MEOX2: variants seen among roughly 807,000 people sequenced by gnomAD.
The protein encoded by MEOX2 is mesenchyme homeobox 2, also known as homeobox protein MOX-2.
In MEOX2, 11 loss-of-function variants were observed where a neutral mutation model predicts 27.0. The observed-to-expected ratio is 0.41, with a 90% CI of 0.26 to 0.68. The LOEUF (loss-of-function observed/expected upper bound fraction) is 0.68, where lower values mean the gene tolerates loss of function less well. Among genes scored for constraint, MEOX2 ranks in the 30% least tolerant of loss-of-function variants. The pLI, the probability that MEOX2 is intolerant of heterozygous loss-of-function variation, is 0.33. For missense variants in MEOX2, 436 were observed against 385.4 expected (o/e 1.13, Z -1.10); for synonymous variants, 189 against 155.4 (o/e 1.22, Z -1.61).
intron 1 of MEOX2, among the ~76,000 whole-genome samples, chr7:15,662,784 T>A (rs1181627997): frequency 2.0e-5 from 3 of 152,072 alleles, no homozygotes; most frequent in Admixed American, 2.0e-4. Context: ...CTGAGATTTA[T>A]AAAAAATGAA....
intron 2 of MEOX2, among the ~76,000 whole-genome samples, chr7:15,619,157 A>T (rs1781174555): frequency 6.6e-6 from 1 of 152,130 alleles, no homozygotes; most frequent in African/African-American, 2.4e-5. Flanking sequence ...GATAGTAGAA[A>T]ATTTTCTTAA....
intron 2 of MEOX2, among the ~76,000 whole-genome samples, chr7:15,622,094 G>A (rs1236155814): frequency 6.6e-6 from 1 of 152,162 alleles, no homozygotes; most frequent in Non-Finnish European, 1.5e-5. Context: ...TCCAGCCTTG[G>A]TGACAGAGCG....
At chr7:15,673,679 G>T (rs10263831) in intron 1 of MEOX2, among the ~76,000 whole-genome samples, 6,582 of 148,800 alleles carry the variant, frequency 0.044, 160 homozygotes, top group African/African-American at 0.064. Context: ...GGTCAATAAA[G>T]GTTGTACCGA....
chr7:15,659,253 T>C (rs1781870786), intron 1 of MEOX2, among the ~76,000 whole-genome samples: 1 of 152,168 alleles, frequency 6.6e-6, no homozygotes, highest in Admixed American at 6.5e-5. Flanking sequence ...AACTAGGCAA[T>C]GTTATTTTAA....
intron 1 of MEOX2, among the ~76,000 whole-genome samples, chr7:15,633,371 GA>G (rs2115365263): frequency 6.6e-6 from 1 of 151,986 alleles, no homozygotes; most frequent in African/African-American, 2.4e-5. Flanking sequence ...GGGAGGGAAA[GA>G]AACTATTTTC....
Position 15,686,514 on chromosome 7 carries a change from G to T in MEOX2, c.-112C>A, listed in dbSNP as rs1335920559. 34 of 939,966 alleles carry T rather than the reference G, an allele frequency of 3.6e-5. No individual in the cohort carries two copies. The highest frequency in any genetic ancestry group is 5.2e-5 in the Non-Finnish European group (33 of 637,642). 58.2% of individuals were successfully genotyped at this position (939,966 alleles called of 1,614,324 possible). On this transcript the variant is annotated 5_prime_UTR_variant, in exon 1 of 3. Transcript: ENST00000262041. ...GTGATTTTTTTTTTAACCTCCCAAA[G>T]CAATAGCGGTGCACTTCTGCAGAGC...
intron 1 of MEOX2, among the ~76,000 whole-genome samples, chr7:15,666,751 CAAAAAAAAAA>C (rs61294753): frequency 2.2e-4 from 14 of 63,060 alleles, no homozygotes; most frequent in African/African-American, 3.6e-4. Flanking sequence ...GACTCTGTCT[CAAAAAAAAAA>C]AAAAAAAAAA....
intron 2 of MEOX2, among the ~76,000 whole-genome samples, chr7:15,620,687 C>G (rs1781208748): frequency 6.6e-6 from 1 of 152,192 alleles, no homozygotes; most frequent in Non-Finnish European, 1.5e-5. Context: ...TTTGAAAATA[C>G]TTGGCATTGG....
intron 1 of MEOX2, among the ~76,000 whole-genome samples, chr7:15,654,511 T>C (rs1208936483): frequency 1.3e-5 from 2 of 151,832 alleles, no homozygotes; most frequent in African/African-American, 2.4e-5. Flanking sequence ...CAGTCTTTCA[T>C]CATTAGTATG....
At chr7:15,623,737 T>C (rs1781253749) in intron 2 of MEOX2, among the ~76,000 whole-genome samples, 2 of 152,212 alleles carry the variant, frequency 1.3e-5, no homozygotes, top group South Asian at 4.1e-4. Flanking sequence ...ATAATATGTG[T>C]GCATAGAAAT....
chr7:15,686,214 C>G lies in MEOX2; in HGVS notation c.189G>C (p.Gln63His). The G allele has an allele frequency of 6.2e-7, 1 of 1,610,328 alleles. No homozygotes were observed. The highest frequency in any genetic ancestry group is 8.5e-7 in the Non-Finnish European group (1 of 1,178,210). The change falls in exon 1 of 3, where the codon CAG becomes CAC. Residue 63 changes from glutamine to histidine, a missense_variant. Physicochemically the swap from Gln to His is conservative, Grantham distance 24. Transcript: ENST00000262041. The stretch of plus-strand genomic sequence containing the variant: ...GGTGGTGGTGGTGCCCCCTGTGATG[C>G]TGGCTGGCAAACATGCCCTCTTCGT... ...YPNEEGMFAS[Q>H]HHRGHHHHHH...
chr7:15,667,437 C>A (rs1233393200), intron 1 of MEOX2, among the ~76,000 whole-genome samples: 1 of 151,998 alleles, frequency 6.6e-6, no homozygotes, highest in Non-Finnish European at 1.5e-5. Context: ...AGATTGTCAC[C>A]ATTTGTTTCC....
intron 2 of MEOX2, among the ~76,000 whole-genome samples, chr7:15,614,224 TAAAATAAAATAAAATA>T: frequency 6.9e-6 from 1 of 144,660 alleles, no homozygotes; most frequent in East Asian, 2.0e-4. Flanking sequence ...TAAAATAAAA[TAAAATAAAATAAAATA>T]AAATAAAATA....
intron 1 of MEOX2, among the ~76,000 whole-genome samples, chr7:15,673,335 T>C (rs541985076): frequency 4.6e-5 from 7 of 152,066 alleles, no homozygotes; most frequent in African/African-American, 1.7e-4. Context: ...GAGGTAGTGA[T>C]CTTAAAAGGT....
intron 1 of MEOX2, among the ~76,000 whole-genome samples, chr7:15,643,471 G>A (rs1284613531): frequency 6.6e-6 from 1 of 152,100 alleles, no homozygotes; most frequent in Admixed American, 6.5e-5. Context: ...GTGCCACAGA[G>A]CTCCCATAGG....
At chr7:15,628,580 G>T (rs1199315037) in intron 1 of MEOX2, among the ~76,000 whole-genome samples, 1 of 152,130 alleles carries the variant, frequency 6.6e-6, no homozygotes, top group Non-Finnish European at 1.5e-5. Context: ...CAGCACCAAA[G>T]TAGTTTGTGA....
rs183854835 is a variant in MEOX2 at position 15,632,403 on chromosome 7, T to C, written c.518-5485A>G. ...TTAATGTGTCATTTTGTTTTAATTT[T>C]ATCTTTCCTTTCCTAGAATTTATTA... On this transcript the variant is annotated intron_variant, in intron 1 of 2. Coordinates refer to ENST00000262041, the MANE Select transcript of MEOX2 (RefSeq NM_005924.5). Among the ~76,000 whole-genome samples the C allele has an allele frequency of 4.5e-3, 688 of 151,986 alleles. 3 individuals carry two copies. Among genetic ancestry groups the C allele is most frequent in the Admixed American group, 7.2e-3 (109 of 15,216 alleles).
At chr7:15,634,367 C>G (rs571566143) in intron 1 of MEOX2, among the ~76,000 whole-genome samples, 1 of 151,934 alleles carries the variant, frequency 6.6e-6, no homozygotes, top group South Asian at 2.1e-4. Context: ...TGTAGCAAAC[C>G]TCAACCCTAA....
At chr7:15,631,229 T>G (rs1392950220) in intron 1 of MEOX2, among the ~76,000 whole-genome samples, 1 of 148,876 alleles carries the variant, frequency 6.7e-6, no homozygotes, top group Non-Finnish European at 1.5e-5. Flanking sequence ...TTCTTCAAAA[T>G]GCAAAAAAAA....
Sources: allele counts gnomAD v4.1 joint callset (sites outside exome capture counted in the v4.1 genomes callset), GRCh38; gene constraint gnomAD v4.1.1; transcripts MANE v1.5; gene names NCBI Gene and HGNC (gene_info 2026-07-23, HGNC 2026-07-21).